PCDH17: variants seen among roughly 807,000 people sequenced by gnomAD.
PCDH17 encodes the protein protocadherin-17.
In PCDH17, 21 loss-of-function variants were observed where a neutral mutation model predicts 67.7. The ratio of observed to expected loss-of-function variants is 0.31; its 90% CI spans 0.22 to 0.45. The LOEUF (loss-of-function observed/expected upper bound fraction) is 0.45, where lower values mean the gene tolerates loss of function less well. Among genes scored for constraint, PCDH17 ranks in the 20% least tolerant of loss-of-function variants. The pLI is 1.00. For missense variants in PCDH17, 1,471 were observed against 1,564.8 expected (o/e 0.94, Z 1.01); for synonymous variants, 701 against 656.7 (o/e 1.07, Z -1.03).
chr13:57,633,063 C>G lies in PCDH17; in HGVS notation c.517C>G (p.Arg173Gly), dbSNP rs748629252. 1.2e-6 allele frequency: 2 copies of G among 1,613,252 alleles called. No individual in the cohort carries two copies. Among genetic ancestry groups the G allele is most frequent in the East Asian group, 2.2e-5 (1 of 44,826 alleles). ...TGGGCTCCGCACCTACCTGCTCACG[C>G]GCGACGATCACGGCCTCTTTGGACT... is the stretch of plus-strand genomic sequence containing the variant. ...ENGLRTYLLT[R>G]DDHGLFGLDV... is the part of the protein sequence containing the mutation. The change falls in exon 1 of 4, where the codon CGC becomes GGC. Residue 173 changes from arginine to glycine, a missense_variant. Coordinates refer to ENST00000377918, the MANE Select transcript of PCDH17 (RefSeq NM_001040429.3). This position sits in a 1 kb window ranked among gnomAD's most constrained non-coding sequence, Gnocchi z 6.2.
chr13:57,672,665 CT>C (rs1299173188), intron 3 of PCDH17, among the ~76,000 whole-genome samples: 2 of 151,996 alleles, frequency 1.3e-5, no homozygotes, highest in African/African-American at 2.4e-5. Flanking sequence ...AAACCAGTTA[CT>C]TTACAATCTT....
chr13:57,647,203 C>G (rs893058226), intron 1 of PCDH17, among the ~76,000 whole-genome samples: 5 of 151,640 alleles, frequency 3.3e-5, no homozygotes, highest in African/African-American at 4.8e-5. Flanking sequence ...TATATCAAAC[C>G]TTATAATCTA....
intron 3 of PCDH17, among the ~76,000 whole-genome samples, chr13:57,716,517 T>C (rs1401394526): frequency 6.6e-6 from 1 of 151,856 alleles, no homozygotes; most frequent in East Asian, 1.9e-4. Flanking sequence ...CACTCTCTGT[T>C]GAAACCCTGA....
chr13:57,640,286 A>G (rs191226882), intron 1 of PCDH17, among the ~76,000 whole-genome samples: 267 of 152,136 alleles, frequency 1.8e-3, no homozygotes, highest in Non-Finnish European at 3.0e-3. Context: ...GAAAAAATAT[A>G]TTTAAGATTA....
chr13:57,688,484 G>A (rs767052475), intron 3 of PCDH17, among the ~76,000 whole-genome samples: 2 of 151,836 alleles, frequency 1.3e-5, no homozygotes, highest in South Asian at 4.1e-4. Context: ...AAGATTAATG[G>A]CTATTTTCAT....
intron 3 of PCDH17, among the ~76,000 whole-genome samples, chr13:57,673,275 A>T (rs2138034597): frequency 6.6e-6 from 1 of 151,974 alleles, no homozygotes; most frequent in Middle Eastern, 3.4e-3. Flanking sequence ...TTAATCCTAA[A>T]CGTGTCCTGT....
At chr13:57,638,100 T>C (rs534273433) in intron 1 of PCDH17, among the ~76,000 whole-genome samples, 1 of 152,074 alleles carries the variant, frequency 6.6e-6, no homozygotes, top group Non-Finnish European at 1.5e-5. Context: ...TATAATTAAA[T>C]ATTTAAGTCT....
chr13:57,633,675 A>C lies in PCDH17; in HGVS notation c.1129A>C (p.Thr377Pro). The C allele has an allele frequency of 6.2e-7, 1 of 1,605,154 alleles. No individual in the cohort carries two copies. The highest frequency in any genetic ancestry group is 8.5e-7 in the Non-Finnish European group (1 of 1,179,868). The part of the protein sequence containing the change: ...PGTVIALVRV[T>P]DRDSGKNGQL... ...CACCGTCATCGCCCTGGTGCGGGTCACTGACCGGGACTCTGGCAAGAACGG... is the reference window on the plus strand; with the variant it reads ...CACCGTCATCGCCCTGGTGCGGGTCCCTGACCGGGACTCTGGCAAGAACGG... Residue 377 changes from threonine (T) to proline (P), a missense_variant, in exon 1 of 4, where the codon ACT (threonine) becomes CCT (proline). Thr to Pro is a conservative substitution (Grantham distance 38, BLOSUM62 -1). Around this residue, in one of 3 missense-constraint regions of PCDH17, gnomAD observed 1,163 missense variants for 1,230.0 expected, o/e 0.95. Coordinates refer to ENST00000377918, the MANE Select transcript of PCDH17 (RefSeq NM_001040429.3). The surrounding 1 kb of genome is among the most constrained non-coding windows in gnomAD (Gnocchi z 6.2).
chr13:57,637,238 A>T, intron 1 of PCDH17, among the ~76,000 whole-genome samples: 1 of 152,244 alleles, frequency 6.6e-6, no homozygotes, highest in Non-Finnish European at 1.5e-5. Flanking sequence ...AATGTTTTGC[A>T]CAGTGGCTAA....
chr13:57,669,188 CTGAT>C (rs1295276322), intron 3 of PCDH17, among the ~76,000 whole-genome samples: 5 of 151,984 alleles, frequency 3.3e-5, no homozygotes, highest in African/African-American at 9.7e-5. Context: ...TAATATTTCA[CTGAT>C]TGATTGATCC....
chr13:57,719,615 G>A (rs972234070), intron 3 of PCDH17, among the ~76,000 whole-genome samples: 1 of 151,968 alleles, frequency 6.6e-6, no homozygotes, highest in African/African-American at 2.4e-5. Context: ...TTCCCTAAGT[G>A]GTCACAAATT....
chr13:57,708,518 G>C lies in PCDH17; in HGVS notation c.2798-16094G>C, dbSNP rs141453970. Among the ~76,000 whole-genome samples, 706 of 151,974 alleles carry C rather than the reference G, an allele frequency of 4.6e-3. 3 individuals carry two copies. The highest frequency in any genetic ancestry group is 0.014 in the Middle Eastern group (4 of 294). On this transcript the variant is annotated intron_variant, in intron 3 of 3. Coordinates refer to ENST00000377918, the MANE Select transcript of PCDH17 (RefSeq NM_001040429.3). ...TACAATAGTCATCATTTAAACATGT[G>C]CGTGAGGCAGACTTATTTTCAGGTG...
chr13:57,657,433 T>G (rs989838115), intron 1 of PCDH17, among the ~76,000 whole-genome samples: 1 of 152,212 alleles, frequency 6.6e-6, no homozygotes, highest in African/African-American at 2.4e-5. Context: ...TTCATACACT[T>G]TAAAAATTCC....
intron 3 of PCDH17, among the ~76,000 whole-genome samples, chr13:57,676,728 A>T (rs1955394802): frequency 6.6e-6 from 1 of 151,694 alleles, no homozygotes; most frequent in African/African-American, 2.4e-5. Context: ...AAATCTAGAG[A>T]CCCCTAGATG....
chr13:57,699,924 A>G (rs948754696), intron 3 of PCDH17, among the ~76,000 whole-genome samples: 1 of 152,156 alleles, frequency 6.6e-6, no homozygotes, highest in African/African-American at 2.4e-5. Flanking sequence ...GAACAAAACA[A>G]AGGATACTAA....
Position 57,693,342 on chromosome 13 carries a change from A to C in PCDH17, c.2797+26509A>C, listed in dbSNP as rs938718787. 2.3e-4 allele frequency among the ~76,000 whole-genome samples: 33 copies of C among 142,050 alleles called. 1 individual carries two copies. The highest frequency in any genetic ancestry group is 6.5e-4 in the South Asian group (3 of 4,600). The allele number at this position is 142,050 out of a possible 152,430, so 93.2% of individuals were successfully genotyped here. On this transcript the variant is annotated intron_variant, in intron 3 of 3. Coordinates refer to ENST00000377918, the MANE Select transcript of PCDH17 (RefSeq NM_001040429.3). ...TATATATATATATATATATATATAT[A>C]TATCAAGGAGTTAGGATACAAAATA...
chr13:57,693,315 C>CATATATATATATATATAT (rs59643529), intron 3 of PCDH17, among the ~76,000 whole-genome samples: 1,535 of 88,994 alleles, frequency 0.017, 70 homozygotes, highest in Non-Finnish European at 0.021. Context: ...CACTTACATT[C>CATATATATATATATATAT]ATATATATAT....
chr13:57,715,818 T>A (rs945625468), intron 3 of PCDH17, among the ~76,000 whole-genome samples: 2 of 151,886 alleles, frequency 1.3e-5, no homozygotes, highest in Admixed American at 6.6e-5. Context: ...ATATTTCAAA[T>A]ACTTTACCAT....
At chr13:57,652,171 G>A (rs1032128827) in intron 1 of PCDH17, among the ~76,000 whole-genome samples, 2 of 151,634 alleles carry the variant, frequency 1.3e-5, no homozygotes, top group Non-Finnish European at 2.9e-5. Context: ...CCACCTACTC[G>A]GGAGGCTGAG....
Sources: allele counts gnomAD v4.1 joint callset (sites outside exome capture counted in the v4.1 genomes callset), GRCh38; gene constraint gnomAD v4.1.1; regional missense constraint gnomAD v4.1.1; non-coding constraint Gnocchi (gnomAD v3.1); transcripts MANE v1.5; gene names NCBI Gene and HGNC (gene_info 2026-07-23, HGNC 2026-07-21).